The following BOC variants were observed in gnomAD, a reference collection of about 807,000 sequenced individuals.
The protein encoded by BOC is brother of CDO.
A neutral mutation model predicts 112.0 loss-of-function variants in BOC; 76 were observed. The observed-to-expected ratio is 0.68, with a 90% CI of 0.56 to 0.82. The LOEUF (loss-of-function observed/expected upper bound fraction) is 0.82, where lower values mean the gene tolerates loss of function less well. Ranked by LOEUF, BOC falls within the 40% of genes least tolerant of loss-of-function variation. The pLI, the probability that BOC is intolerant of heterozygous loss-of-function variation, is 0.00. For synonymous variants in BOC, 580 were observed against 599.8 expected, an observed-to-expected ratio of 0.97 and a Z score of 0.48; for missense variants, 1,309 against 1,511.7, an observed-to-expected ratio of 0.87 and a Z score of 2.22.
At chr3:113,249,047 G>T (rs1429255629) in intron 2 of BOC, among the ~76,000 whole-genome samples, 2 of 152,152 alleles carry the variant, frequency 1.3e-5, no homozygotes, top group African/African-American at 2.4e-5. Context: ...ATGACTTTGG[G>T]CTGTGTTTGT....
chr3:113,267,044 T>C (rs894870638), intron 4 of BOC, among the ~76,000 whole-genome samples: 34 of 152,148 alleles, frequency 2.2e-4, no homozygotes, highest in African/African-American at 7.2e-4. Flanking sequence ...TGCAGTGAAA[T>C]TGCAGTCAGT....
intron 4 of BOC, among the ~76,000 whole-genome samples, chr3:113,267,832 A>G (rs1294450801): frequency 6.6e-6 from 1 of 152,066 alleles, no homozygotes; most frequent in Non-Finnish European, 1.5e-5. Flanking sequence ...GGTTCATGCC[A>G]TTCTCCTGCC....
intron 2 of BOC, among the ~76,000 whole-genome samples, chr3:113,220,583 T>C (rs1419496927): frequency 1.3e-5 from 2 of 152,068 alleles, no homozygotes; most frequent in Admixed American, 1.3e-4. Flanking sequence ...CTTACCCAAG[T>C]TGAGTTAGGA....
In BOC at chr3:113,235,909, T is replaced by A. The variant is rs139330774; in HGVS notation, c.-81-13813T>A. Among the ~76,000 whole-genome samples, 368 of 152,160 alleles carry A rather than the reference T, an allele frequency of 2.4e-3. 3 individuals are homozygous for A. The highest frequency in any genetic ancestry group is 8.6e-3 in the African/African-American group (356 of 41,510). ...TCATGTGTGTCTAGAGTTGTTAAAG[T>A]GTATTATGTCTGGCAAGGATGTGGA... is the stretch of plus-strand genomic sequence containing the variant. On this transcript the variant is annotated intron_variant, in intron 2 of 19. Coordinates refer to ENST00000682979, the MANE Select transcript of BOC (RefSeq NM_001378074.1).
chr3:113,285,520 G>A lies in BOC; in HGVS notation c.3115G>A (p.Asp1039Asn), dbSNP rs184384636. 3.5e-5 allele frequency: 57 copies of A among 1,611,634 alleles called. No individual in the cohort carries two copies. Among genetic ancestry groups the A allele is most frequent in the Admixed American group, 3.0e-4 (18 of 59,864 alleles). Residue 1039 changes from aspartate to asparagine, a missense_variant, in exon 19 of 20, where the codon GAC becomes AAC. Coordinates refer to ENST00000682979, the MANE Select transcript of BOC (RefSeq NM_001378074.1). The stretch of plus-strand genomic sequence containing the variant: ...CCAGTCAGGGGTGAGGAGAGCCCCC[G>A]ACAGTCCTGTCCTGGAAGCAGTGTG... ...VGQSGVRRAP[D>N]SPVLEAVWDP...
chr3:113,237,141 T>C (rs1001849944), intron 2 of BOC, among the ~76,000 whole-genome samples: 2 of 152,178 alleles, frequency 1.3e-5, no homozygotes, highest in African/African-American at 4.8e-5. Flanking sequence ...CCTTAAGTGA[T>C]GGAACATCAG....
chr3:113,249,720 A>G lies in BOC; in HGVS notation c.-81-2A>G. ...TTGCTCTCCCTTTCTCTCTTACAAC[A>G]GAGTGTTGCCAGGGACGGCAGTATC... On this transcript the variant is annotated splice_acceptor_variant, in intron 2 of 19. Transcript: ENST00000682979. LOFTEE classifies it low-confidence loss of function (5UTR_SPLICE). 8.6e-7 allele frequency: 1 copy of G among 1,166,180 alleles called. No homozygotes were observed. The highest frequency in any genetic ancestry group is 1.4e-5 in the South Asian group (1 of 69,672). The allele number at this position is 1,166,180 out of a possible 1,614,324, so 72.2% of individuals were successfully genotyped here.
intron 17 of BOC, 57 bp downstream of exon 17, chr3:113,284,624 G>A: frequency 6.4e-7 from 1 of 1,564,272 alleles, no homozygotes; most frequent in Non-Finnish European, 8.7e-7. Context: ...GGAGTGGCTG[G>A]GCTGCCTTGG....
At chr3:113,271,438 C>T (rs9823770) in intron 6 of BOC, 7,495 of 330,862 alleles carry the variant, frequency 0.023, 120 homozygotes, top group Middle Eastern at 0.056. Flanking sequence ...TCTCAATGCA[C>T]AGGAAAACAG....
rs764180573 is a variant in BOC, at chr3:113,272,438, C to G, written c.696C>G (p.Ile232Met). The change falls in exon 7 of 20, where the codon ATC (isoleucine) becomes ATG (methionine). Residue 232 changes from isoleucine (I) to methionine (M), a missense_variant. Coordinates refer to ENST00000682979, the MANE Select transcript of BOC (RefSeq NM_001378074.1). ...CCACCGCTGAGGCTGCCCGCATCAT[C>G]TACCCCCCAGAGGCCCAAACCATCA... The part of the protein sequence containing the change: ...RRSTAEAARI[I>M]YPPEAQTIIV... The G allele has an allele frequency of 2.3e-5, 37 of 1,613,846 alleles. No individual in the cohort carries two copies. The highest frequency in any genetic ancestry group is 3.0e-5 in the Non-Finnish European group (35 of 1,179,890).
At chr3:113,282,445 T>C (rs2107737792) in intron 15 of BOC, among the ~76,000 whole-genome samples, 1 of 152,250 alleles carries the variant, frequency 6.6e-6, no homozygotes, top group South Asian at 2.1e-4. Flanking sequence ...CTGGAAGTAC[T>C]GCACAGGTGA....
At chr3:113,218,524 G>T (rs148497889) in intron 2 of BOC, among the ~76,000 whole-genome samples, 1 of 152,326 alleles carries the variant, frequency 6.6e-6, no homozygotes, top group Non-Finnish European at 1.5e-5. Flanking sequence ...ACTTAAAAAT[G>T]CAGTCAGTCA....
At chr3:113,228,837 A>C (rs1942113515) in intron 2 of BOC, among the ~76,000 whole-genome samples, 1 of 152,192 alleles carries the variant, frequency 6.6e-6, no homozygotes, top group Non-Finnish European at 1.5e-5. Context: ...CAGAGGCCTC[A>C]GGCAGGGTGC....
chr3:113,214,169 T>G (rs996904232), intron 1 of BOC, among the ~76,000 whole-genome samples: 1 of 152,222 alleles, frequency 6.6e-6, no homozygotes, highest in Admixed American at 6.5e-5. Flanking sequence ...GAGAGGACTC[T>G]GCTTAGCTGT....
chr3:113,222,711 G>C (rs927023591), intron 2 of BOC, among the ~76,000 whole-genome samples: 5 of 126,108 alleles, frequency 4.0e-5, no homozygotes, highest in African/African-American at 1.6e-4. Flanking sequence ...GCAGGGGGGT[G>C]CCCAGCTCAC....
intron 11 of BOC, 63 bp from the exon 12 acceptor site, chr3:113,279,186 C>T: frequency 1.9e-6 from 3 of 1,544,528 alleles, no homozygotes; most frequent in Non-Finnish European, 2.7e-6. Flanking sequence ...GTCATCTCAC[C>T]CTGCTTCCTT....
At chr3:113,261,787 A>T (rs1326263575) in intron 4 of BOC, 1 of 150,068 alleles carries the variant, frequency 6.7e-6, no homozygotes, top group Non-Finnish European at 1.5e-5. Context: ...CCTCCTGCCC[A>T]CCCCCAGATT....
intron 2 of BOC, among the ~76,000 whole-genome samples, chr3:113,218,345 G>A (rs1315350741): frequency 6.6e-6 from 1 of 152,220 alleles, no homozygotes; most frequent in African/African-American, 2.4e-5. Context: ...GGTTTATTAG[G>A]TGTGGGTCAC....
Position 113,278,064 on chromosome 3 carries a change from T to TG in BOC, c.1543-30dup. 1 of 1,613,048 alleles carries TG rather than the reference T, an allele frequency of 6.2e-7. No individual in the cohort carries two copies. Among genetic ancestry groups the TG allele is most frequent in the Non-Finnish European group, 8.5e-7 (1 of 1,179,134 alleles). On this transcript the variant is annotated intron_variant, in intron 9 of 19. Transcript: ENST00000682979. This position sits in a 1 kb window ranked among gnomAD's most constrained non-coding sequence, Gnocchi z 4.2. ...GCCCACTCGTAGCCCGAGGCTGAGA[T>TG]GCCGGTCTTTATACCAGCTACCTTC...
Sources: gnomAD v4.1 joint callset for allele counts (sites outside exome capture counted in the v4.1 genomes callset) on GRCh38, gnomAD v4.1.1 for gene constraint, Gnocchi (gnomAD v3.1) non-coding constraint, MANE v1.5 for transcripts, NCBI Gene and HGNC (gene_info 2026-07-23, HGNC 2026-07-21) for gene names.